The following FAM13B variants were observed in gnomAD, a reference collection of about 807,000 sequenced individuals.
FAM13B encodes the protein protein FAM13B.
A neutral mutation model predicts 117.3 loss-of-function variants in FAM13B; 60 were observed. The observed-to-expected ratio is 0.51, with a 90% CI of 0.42 to 0.63. FAM13B has a LOEUF of 0.63. Ranked by LOEUF, FAM13B falls within the 30% of genes least tolerant of loss-of-function variation. FAM13B has a pLI of 0.00. For synonymous variants in FAM13B, 332 were observed against 356.1 expected (o/e 0.93, Z 0.76); for missense variants, 972 against 1,091.9 (o/e 0.89, Z 1.55).
intron 17 of FAM13B, 41 bp downstream of exon 17, chr5:137,952,587 T>G (rs773302279): frequency 7.4e-7 from 1 of 1,356,788 alleles, no homozygotes. Flanking sequence ...ATAAAAAAAT[T>G]TTTAAAATGC....
chr5:137,958,784 C>A (rs1165900789), intron 13 of FAM13B, among the ~76,000 whole-genome samples: 15 of 152,200 alleles, frequency 9.9e-5, no homozygotes, highest in Admixed American at 9.8e-4. Context: ...GAACTTTACA[C>A]TGAATATCCA....
At position 137,946,260 on chromosome 5, in the gene FAM13B, G is replaced by T. The variant is rs1763400656; in HGVS notation, c.2212C>A (p.Leu738Ile). The change falls in exon 19 of 24, where the codon CTT becomes ATT. Residue 738 changes from leucine (L) to isoleucine (I), a missense_variant. Leu to Ile is a conservative substitution (Grantham distance 5). Transcript: ENST00000689681. ...CCATGTTGACTTTCATAGTAAAGAA[G>T]ACTTTTCTGAAGAGAAGCTTTCTCT... The part of the protein sequence containing the change: ...VEEKASLQKS[L>I]LYYESQHGRP... The T allele has an allele frequency of 3.8e-6, 6 of 1,588,876 alleles. No homozygotes were observed. The East Asian group carries it at 1.1e-4, about 30-fold the overall frequency.
At chr5:138,028,691 T>C (rs957923700) in intron 1 of FAM13B, among the ~76,000 whole-genome samples, 18 of 152,284 alleles carry the variant, frequency 1.2e-4, no homozygotes, top group Admixed American at 1.0e-3. Context: ...AAGACCAGCC[T>C]GGCCAACATG....
intron 10 of FAM13B, among the ~76,000 whole-genome samples, chr5:137,975,980 CTTTT>C (rs57478594): frequency 1.8e-5 from 2 of 110,206 alleles, no homozygotes; most frequent in African/African-American, 3.7e-5. Context: ...TCAACTCTTC[CTTTT>C]TTTTTTTTTT....
chr5:137,943,951 G>A (rs1014748770), intron 20 of FAM13B, among the ~76,000 whole-genome samples: 4 of 152,020 alleles, frequency 2.6e-5, no homozygotes, highest in African/African-American at 9.7e-5. Context: ...ACCAAGTTGT[G>A]CAACTATCTC....
At chr5:138,039,103 C>G (rs1791390324) in intron 1 of FAM13B, 1 of 152,110 alleles carries the variant, frequency 6.6e-6, no homozygotes, top group African/African-American at 2.4e-5. Context: ...TAATGTAGGC[C>G]AATACTATCA....
intron 20 of FAM13B, 87 bp from the exon 21 acceptor site, chr5:137,943,303 CAACTTT>C (rs1762408481): frequency 2.9e-6 from 3 of 1,027,314 alleles, no homozygotes; most frequent in Middle Eastern, 3.1e-4. Context: ...TACGAATCTT[CAACTTT>C]ATTTTCAAAA....
intron 4 of FAM13B, among the ~76,000 whole-genome samples, chr5:138,016,505 G>T (rs1027941089): frequency 6.6e-6 from 1 of 151,960 alleles, no homozygotes; most frequent in Non-Finnish European, 1.5e-5. Flanking sequence ...ATGGTGGTGC[G>T]CGCCTGTAGT....
chr5:137,949,271 G>T, intron 17 of FAM13B, 87 bp from the exon 18 acceptor site: 1 of 967,088 alleles, frequency 1.0e-6, no homozygotes, highest in Non-Finnish European at 1.6e-6. Flanking sequence ...CAACAAGAAA[G>T]TATACATTAA....
rs80018539 is a variant in FAM13B, at chr5:137,986,134, G to C, written c.1047-745C>G. On this transcript the variant is annotated intron_variant, in intron 9 of 23. Transcript: ENST00000689681. ...TTCCCTCTCCCGCCTTTTCCCAGTTGTATGCATTCTAATCATGCCTTCAAA... is the reference window on the plus strand; with the variant it reads ...TTCCCTCTCCCGCCTTTTCCCAGTTCTATGCATTCTAATCATGCCTTCAAA... Among the ~76,000 whole-genome samples the C allele has an allele frequency of 9.3e-3, 1,357 of 145,798 alleles. 20 individuals carry two copies. Among genetic ancestry groups the C allele is most frequent in the African/African-American group, 0.032 (1,277 of 39,356 alleles).
chr5:137,945,830 C>T (rs1763257556), intron 20 of FAM13B, 72 bp downstream of exon 20: 2 of 1,122,786 alleles, frequency 1.8e-6, no homozygotes, highest in Non-Finnish European at 1.3e-6. Flanking sequence ...CAATATACCA[C>T]AATAATAATT....
Position 137,940,317 on chromosome 5 carries a change from G to A in FAM13B, c.2722C>T (p.Leu908Phe). The A allele has an allele frequency of 6.2e-7, 1 of 1,607,332 alleles. No individual in the cohort carries two copies. Among genetic ancestry groups the A allele is most frequent in the Non-Finnish European group, 8.5e-7 (1 of 1,174,222 alleles). ...NAQKEDRVPV[L>F]EEYREYKKIK... ...TTCTTGTACTCTCTGTACTCCTCAA[G>A]CACTGGAACACGATCCTCTTTCTGG... Residue 908 changes from leucine (L) to phenylalanine (F), a missense_variant, in exon 24 of 24, where the codon CTT (leucine) becomes TTT (phenylalanine). Transcript: ENST00000689681.
At position 137,956,554 on chromosome 5, in the gene FAM13B, G is replaced by T; in HGVS notation, c.1442-12C>A. 6.3e-7 allele frequency: 1 copy of T among 1,576,906 alleles called. No homozygotes were observed. The highest frequency in any genetic ancestry group is 1.2e-5 in the South Asian group (1 of 85,210). On this transcript the variant is annotated splice_polypyrimidine_tract_variant and intron_variant, in intron 13 of 23. Coordinates refer to ENST00000689681, the MANE Select transcript of FAM13B (RefSeq NM_001385994.1). ...GATAGGGCATGACGCTAATAAAATGGAAAAAATGGCAAAAAATACTAAAGT... is the reference window on the plus strand; with the variant it reads ...GATAGGGCATGACGCTAATAAAATGTAAAAAATGGCAAAAAATACTAAAGT...
At chr5:137,988,113 G>T (rs1282538308) in intron 8 of FAM13B, among the ~76,000 whole-genome samples, 161 bp downstream of exon 8, 1 of 152,096 alleles carries the variant, frequency 6.6e-6, no homozygotes, top group Non-Finnish European at 1.5e-5. Flanking sequence ...AATGCAATGG[G>T]TTTCTTCTTC....
intron 7 of FAM13B, among the ~76,000 whole-genome samples, chr5:138,000,943 C>CAAAAAAAAAAAAAAAAAAA (rs77100079): frequency 7.1e-6 from 1 of 141,386 alleles, no homozygotes; most frequent in African/African-American, 2.6e-5. Context: ...AAACAAAAAA[C>CAAAAAAAAAAAAAAAAAAA]AAAAAAAAAA....
At chr5:137,948,893 T>C (rs1431467943) in intron 18 of FAM13B, 62 bp downstream of exon 18, 8 of 1,276,364 alleles carry the variant, frequency 6.3e-6, no homozygotes, top group African/African-American at 5.9e-5. Context: ...CCTGCTATAG[T>C]AATTATTTTG....
intron 7 of FAM13B, among the ~76,000 whole-genome samples, chr5:137,996,419 G>C (rs1003729284): frequency 6.6e-6 from 1 of 152,004 alleles, no homozygotes; most frequent in Admixed American, 6.6e-5. Flanking sequence ...GATTACAGGC[G>C]TGAGCCACGG....
At chr5:138,037,629 G>A (rs1342835025), upstream of FAM13B, among the ~76,000 whole-genome samples, 4 of 152,060 alleles carry the variant, frequency 2.6e-5, no homozygotes, top group Non-Finnish European at 4.4e-5. Flanking sequence ...GTAGCAGGAT[G>A]TTGAGCCCTT....
intron 10 of FAM13B, among the ~76,000 whole-genome samples, chr5:137,968,787 C>T (rs962745462): frequency 2.6e-5 from 4 of 152,224 alleles, no homozygotes; most frequent in Admixed American, 1.3e-4. Flanking sequence ...CGAGGCATTG[C>T]CTCACTCGGG....
Sources: gnomAD v4.1 joint callset for allele counts (sites outside exome capture counted in the v4.1 genomes callset) on GRCh38, gnomAD v4.1.1 for gene constraint, MANE v1.5 for transcripts, NCBI Gene and HGNC (gene_info 2026-07-23, HGNC 2026-07-21) for gene names.